Variants in PPIE observed in about 807,000 individuals in gnomAD.
PPIE encodes the protein peptidylprolyl isomerase E.
A neutral mutation model predicts 38.4 loss-of-function variants in PPIE; 20 were observed. The ratio of observed to expected loss-of-function variants is 0.52; its 90% CI spans 0.37 to 0.76. PPIE has a LOEUF of 0.76. PPIE is among the 30% of genes least tolerant of loss of function. The pLI, the probability that PPIE is intolerant of heterozygous loss-of-function variation, is 0.00. For synonymous variants in PPIE, 142 were observed against 135.7 expected, an observed-to-expected ratio of 1.05 and a Z score of -0.32; for missense variants, 322 against 385.8, an observed-to-expected ratio of 0.83 and a Z score of 1.39.
chr1:39,752,482 C>A (rs1647837707), intron 8 of PPIE, among the ~76,000 whole-genome samples: 1 of 152,204 alleles, frequency 6.6e-6, no homozygotes, highest in Non-Finnish European at 1.5e-5. Context: ...CACATACACA[C>A]ACAGACACAC....
rs1043009750 is a variant in PPIE at position 39,763,327 on chromosome 1, C to G, written c.838-362C>G. 39 of 984,984 alleles carry G rather than the reference C, an allele frequency of 4.0e-5. 1 individual carries two copies. The highest frequency in any genetic ancestry group is 5.4e-5 in the Non-Finnish European group (36 of 662,384). The allele number at this position is 984,984 out of a possible 1,614,324, so 61.0% of individuals were successfully genotyped here. A position where few individuals can be genotyped will look rare whatever the true frequency, so the allele number is the denominator to read the frequency against. The stretch of plus-strand genomic sequence containing the variant: ...AGGCTTGAATCCACCCAGGAACCCC[C>G]GGCAGAAAAGGCTGGGCAGGAGCTC... On this transcript the variant is annotated intron_variant, in intron 9 of 9. Transcript: ENST00000356511.
At chr1:39,762,373 A>G (rs1458868264) in intron 9 of PPIE, 4 of 1,125,070 alleles carry the variant, frequency 3.6e-6, no homozygotes, top group Non-Finnish European at 3.7e-6. Flanking sequence ...AGGGGAAAAC[A>G]TAAGGCTGTG....
intron 8 of PPIE, among the ~76,000 whole-genome samples, chr1:39,751,219 A>G (rs1235391002): frequency 6.6e-6 from 1 of 152,234 alleles, no homozygotes; most frequent in Non-Finnish European, 1.5e-5. Flanking sequence ...TTACATTCCT[A>G]GAAGATTCCA....
intron 9 of PPIE, 90 bp downstream of exon 9, chr1:39,753,142 G>T: frequency 6.3e-7 from 1 of 1,593,656 alleles, no homozygotes. Context: ...GCCTGAGAGA[G>T]ATGGCCAGGG....
chr1:39,763,677 T>C (rs775227365), intron 9 of PPIE: 1 of 1,578,170 alleles, frequency 6.3e-7, no homozygotes, highest in South Asian at 1.1e-5. Context: ...CAGGTGGTGA[T>C]TGTCATTTCA....
rs368757623 is a variant in PPIE, at chr1:39,749,106, T to C, written c.694+18T>C. The C allele has an allele frequency of 8.9e-6, 14 of 1,568,230 alleles. No individual in the cohort carries two copies. The African/African-American group carries it at 1.4e-4, about 15-fold the overall frequency. ...GGGACCAGGTAGGAGCCAGTTGGCA[T>C]GTGGTGACGAGGGAGGCTGGGCAAG... On this transcript the variant is annotated intron_variant, in intron 8 of 9. Transcript: ENST00000324379.
rs771319133 is a variant in PPIE, at chr1:39,740,123, T to C, written c.32-42T>C. On this transcript the variant is annotated intron_variant, in intron 1 of 9. Coordinates refer to ENST00000324379, the MANE Select transcript of PPIE (RefSeq NM_006112.4). ...TGGGCTGCAAGGACTTCTGCAAGAG[T>C]ATGGAGATCAGTGGCTCAGAAGGCC... 2.0e-6 allele frequency: 3 copies of C among 1,511,798 alleles called. No individual in the cohort carries two copies. In the East Asian group the frequency reaches 6.8e-5, roughly 34 times the overall value. 93.6% of individuals were successfully genotyped at this position (1,511,798 alleles called of 1,614,324 possible).
intron 5 of PPIE, 90 bp downstream of exon 5, chr1:39,743,387 C>G: frequency 1.8e-6 from 2 of 1,085,912 alleles, no homozygotes; most frequent in African/African-American, 1.6e-5. Flanking sequence ...GAAGTAGATG[C>G]TAAATGCTGC....
intron 7 of PPIE, 106 bp downstream of exon 7, chr1:39,745,604 A>T: frequency 6.5e-7 from 1 of 1,547,438 alleles, no homozygotes; most frequent in Admixed American, 1.8e-5. Flanking sequence ...ATTGCTTCTG[A>T]CCTAAGTTGA....
At chr1:39,750,904 C>T (rs1012775852) in intron 8 of PPIE, among the ~76,000 whole-genome samples, 3 of 152,098 alleles carry the variant, frequency 2.0e-5, no homozygotes, top group Non-Finnish European at 4.4e-5. Flanking sequence ...TGACCCACAT[C>T]GTTATTTTAA....
At chr1:39,761,029 G>A (rs560457608), downstream of PPIE, among the ~76,000 whole-genome samples, 113 of 152,022 alleles carry the variant, frequency 7.4e-4, 1 homozygote, top group African/African-American at 2.5e-3. Flanking sequence ...CCAGGCCTCC[G>A]CCCCTCTCCT....
intron 4 of PPIE, chr1:39,742,125 G>A (rs1193807035): frequency 8.8e-6 from 5 of 570,302 alleles, no homozygotes; most frequent in Non-Finnish European, 1.6e-5. Context: ...AATAATGTAA[G>A]TCCTCATCAT....
chr1:39,760,242 G>T (rs896781297), downstream of PPIE: 1 of 1,083,606 alleles, frequency 9.2e-7, no homozygotes, highest in Non-Finnish European at 1.3e-6. Context: ...CAAATGCCTG[G>T]CAGGGCAAGG....
downstream of PPIE, chr1:39,760,279 G>T: frequency 7.4e-7 from 1 of 1,349,864 alleles, no homozygotes; most frequent in Non-Finnish European, 1.0e-6. Context: ...GCATGAAGGA[G>T]AAAGGGTCAT....
intron 5 of PPIE, 147 bp downstream of exon 5, chr1:39,743,444 G>T: frequency 1.4e-6 from 1 of 690,736 alleles, no homozygotes. Flanking sequence ...GGAAGGGCAT[G>T]CACCACCTTT....
downstream of PPIE, chr1:39,757,535 A>G (rs1648410539): frequency 6.6e-6 from 1 of 152,278 alleles, no homozygotes; most frequent in African/African-American, 2.4e-5. Flanking sequence ...CAAGGCCAGT[A>G]TTGCACCGCA....
At chr1:39,748,415 T>C (rs1647347192) in intron 7 of PPIE, 1 of 155,098 alleles carries the variant, frequency 6.4e-6, no homozygotes, top group South Asian at 1.9e-4. Flanking sequence ...AGCTCGAACA[T>C]GTATATTCAA....
rs1306225013 is a variant in PPIE, at chr1:39,753,793, A to T, written c.*438A>T. On this transcript the variant is annotated 3_prime_UTR_variant, in exon 10 of 10. Coordinates refer to ENST00000324379, the MANE Select transcript of PPIE (RefSeq NM_006112.4). Reference sequence around the variant, plus strand: ...GCAGGCTGGTGAGTGGGGAGAGCAGAGCATCTTTTTCACAGCTTTCATTTC... The same window carrying T: ...GCAGGCTGGTGAGTGGGGAGAGCAGTGCATCTTTTTCACAGCTTTCATTTC... 2.0e-6 allele frequency: 2 copies of T among 997,804 alleles called. No homozygotes were observed. Among genetic ancestry groups the T allele is most frequent in the African/African-American group, 3.5e-5 (2 of 57,442 alleles). 61.8% of individuals were successfully genotyped at this position (997,804 alleles called of 1,614,324 possible).
chr1:39,739,300 G>A (rs1177047440), intron 1 of PPIE: 1 of 231,694 alleles, frequency 4.3e-6, no homozygotes, highest in East Asian at 8.7e-5. Flanking sequence ...TCAGGTGCGT[G>A]AACCCGAGAC....
Sources: gnomAD v4.1 joint callset for allele counts (sites outside exome capture counted in the v4.1 genomes callset) on GRCh38, gnomAD v4.1.1 for gene constraint, MANE v1.5 for transcripts, NCBI Gene and HGNC (gene_info 2026-07-23, HGNC 2026-07-21) for gene names.